Variants in DSG2 observed in about 807,000 individuals in gnomAD.
The protein encoded by DSG2 is desmoglein 2.
DSG2 carries 45 observed loss-of-function variants against 75.6 expected under a neutral mutation model. The ratio of observed to expected loss-of-function variants is 0.60; its 90% CI spans 0.47 to 0.76. DSG2 has a LOEUF of 0.76. Among genes scored for constraint, DSG2 ranks in the 30% least tolerant of loss-of-function variants. DSG2 has a pLI of 0.00. For synonymous variants in DSG2, 429 were observed against 483.9 expected (o/e 0.89, Z 1.49); for missense variants, 1,267 against 1,357.4 (o/e 0.93, Z 1.05).
At chr18:31,522,446 A>G (rs1487746890) in intron 6 of DSG2, 197 bp downstream of exon 6, 1 of 559,872 alleles carries the variant, frequency 1.8e-6, no homozygotes, top group Non-Finnish European at 3.2e-6. Flanking sequence ...GACTGGCCCA[A>G]ATTGTAATGT....
chr18:31,536,823 A>G (rs1187331456), intron 11 of DSG2, among the ~76,000 whole-genome samples: 1 of 152,206 alleles, frequency 6.6e-6, no homozygotes, highest in East Asian at 1.9e-4. Context: ...CACCCTATGT[A>G]TTACCATATT....
intron 1 of DSG2, among the ~76,000 whole-genome samples, chr18:31,507,534 A>G (rs570117322): frequency 1.3e-5 from 2 of 152,358 alleles, no homozygotes; most frequent in East Asian, 1.9e-4. Context: ...ACTAATTTAC[A>G]GTCCCACCAA....
chr18:31,500,559 G>T (rs566623447), intron 1 of DSG2, among the ~76,000 whole-genome samples: 11 of 152,196 alleles, frequency 7.2e-5, no homozygotes, highest in South Asian at 6.2e-4. Flanking sequence ...TTGCCAGGAG[G>T]CACAGAGCTC....
At chr18:31,526,286 GA>G (rs1265363646) in intron 8 of DSG2, among the ~76,000 whole-genome samples, 1 of 152,140 alleles carries the variant, frequency 6.6e-6, no homozygotes. Context: ...ATTGATTCCA[GA>G]AGTTTCGAAA....
chr18:31,500,053 A>G lies in DSG2; in HGVS notation c.45+1757A>G, dbSNP rs543913164. On this transcript the variant is annotated intron_variant, in intron 1 of 14. Coordinates refer to ENST00000261590, the MANE Select transcript of DSG2 (RefSeq NM_001943.5). ...TTTTTTGGTAAAAAAAAAAAAAAAA[A>G]AAAAAATGGAAAGCAACTCATCTGA... is the stretch of plus-strand genomic sequence containing the variant. Among the ~76,000 whole-genome samples the G allele has an allele frequency of 2.2e-4, 33 of 152,020 alleles. No homozygotes were observed. The East Asian group carries it at 4.1e-3, about 19-fold the overall frequency.
At chr18:31,498,434 G>T (rs1045008469) in intron 1 of DSG2, 138 bp downstream of exon 1, 3 of 969,808 alleles carry the variant, frequency 3.1e-6, no homozygotes, top group Admixed American at 4.4e-5. Context: ...CCCGAGGGGG[G>T]AAAAGGGCCG....
chr18:31,545,893 T>C lies in DSG2; in HGVS notation c.2507T>C (p.Leu836Pro), dbSNP rs1425278506. The change falls in exon 15 of 15, where the codon CTA (leucine) becomes CCA (proline). Residue 836 changes from leucine to proline, a missense_variant. Leu to Pro is a moderately conservative substitution (Grantham distance 98). Coordinates refer to ENST00000261590, the MANE Select transcript of DSG2 (RefSeq NM_001943.5). ...GATTTGGGACTTAAATTCAAGACAC[T>C]AGCTGAAGTTTGCCTGGGTCAAAAA... Reference protein sequence around the residue: ...LDDLGLKFKTLAEVCLGQKID... With the variant: ...LDDLGLKFKTPAEVCLGQKID... 1 of 1,614,150 alleles carries C rather than the reference T, an allele frequency of 6.2e-7. No homozygotes were observed. Among genetic ancestry groups the C allele is most frequent in the East Asian group, 2.2e-5 (1 of 44,882 alleles).
Position 31,545,911 on chromosome 18 carries a change from G to T in DSG2, c.2525G>T (p.Gly842Val). The T allele has an allele frequency of 6.2e-7, 1 of 1,614,046 alleles. No individual in the cohort carries two copies. The highest frequency in any genetic ancestry group is 8.5e-7 in the Non-Finnish European group (1 of 1,180,006). The change falls in exon 15 of 15, where the codon GGT (glycine) becomes GTT (valine). Residue 842 changes from glycine (G) to valine (V), a missense_variant. Coordinates refer to ENST00000261590, the MANE Select transcript of DSG2 (RefSeq NM_001943.5). Reference protein sequence around the residue: ...KFKTLAEVCLGQKIDINKEIE... With the variant: ...KFKTLAEVCLVQKIDINKEIE... ...AAGACACTAGCTGAAGTTTGCCTGG[G>T]TCAAAAAATAGATATAAATAAGGAA...
intron 9 of DSG2, among the ~76,000 whole-genome samples, chr18:31,531,768 A>G (rs2073200505): frequency 6.6e-6 from 1 of 152,242 alleles, no homozygotes; most frequent in Non-Finnish European, 1.5e-5. Flanking sequence ...TGTCTTGATC[A>G]TGGTGACCTT....
rs2073124238 is a variant in DSG2 at position 31,520,973 on chromosome 18, A to C, written c.378+9A>C. 6.2e-7 allele frequency: 1 copy of C among 1,612,906 alleles called. No individual in the cohort carries two copies. Among genetic ancestry groups the C allele is most frequent in the African/African-American group, 1.3e-5 (1 of 74,910 alleles). ...AAACACCATTTTTTCTGGTAAGAAG[A>C]ATAATTTTAGATTTATTAGTTTGTA... On this transcript the variant is annotated intron_variant, in intron 4 of 14. Transcript: ENST00000261590.
At position 31,524,883 on chromosome 18, in the gene DSG2, A is replaced by T; in HGVS notation, c.1009A>T (p.Ile337Phe). Residue 337 changes from isoleucine to phenylalanine, a missense_variant, in exon 8 of 15, where the codon ATT becomes TTT. Physicochemically the swap from Ile to Phe is conservative, Grantham distance 21. Coordinates refer to ENST00000261590, the MANE Select transcript of DSG2 (RefSeq NM_001943.5). ...AACTAACGAAGGAATTGTGACCCTTATTAAGGTAAGTACTAAGTATTCAAA... is the reference window on the plus strand; with the variant it reads ...AACTAACGAAGGAATTGTGACCCTTTTTAAGGTAAGTACTAAGTATTCAAA... Reference protein sequence around the residue: ...AQTNEGIVTLIKEVDYEEMKN... With the variant: ...AQTNEGIVTLFKEVDYEEMKN... The T allele has an allele frequency of 6.2e-7, 1 of 1,614,178 alleles. No homozygotes were observed. The highest frequency in any genetic ancestry group is 8.5e-7 in the Non-Finnish European group (1 of 1,179,988).
At chr18:31,506,593 T>C (rs1258257286) in intron 1 of DSG2, among the ~76,000 whole-genome samples, 1 of 152,228 alleles carries the variant, frequency 6.6e-6, no homozygotes, top group Non-Finnish European at 1.5e-5. Context: ...AGCTCTTGGT[T>C]TTCTTAAACT....
intron 8 of DSG2, among the ~76,000 whole-genome samples, chr18:31,527,075 T>G (rs1041843093): frequency 6.6e-6 from 1 of 152,222 alleles, no homozygotes; most frequent in African/African-American, 2.4e-5. Flanking sequence ...ACTTTCAGTC[T>G]TGCAAGCACC....
rs368419383 is a variant in DSG2 at position 31,536,219 on chromosome 18, A to G, written c.1441A>G (p.Ile481Val). The part of the protein sequence containing the change: ...AISEDYPRKT[I>V]TGTVLINVED... ...TTTTTAAGATTATCCTAGAAAAACC[A>G]TCACTGGCACAGTCCTTATCAATGT... Residue 481 changes from isoleucine to valine, a missense_variant, in exon 11 of 15, where the codon ATC becomes GTC. Ile to Val is a conservative substitution (Grantham distance 29, BLOSUM62 3). Transcript: ENST00000261590. The G allele has an allele frequency of 8.7e-6, 14 of 1,614,086 alleles. No homozygotes were observed. The South Asian group carries it at 8.8e-5, about 10-fold the overall frequency.
chr18:31,498,417 C>A, intron 1 of DSG2, 121 bp downstream of exon 1: 1 of 1,098,584 alleles, frequency 9.1e-7, no homozygotes, highest in Non-Finnish European at 1.2e-6. Context: ...GGCGCTCCTT[C>A]CTGCTGCCCG....
At chr18:31,517,445 T>C (rs956425273) in intron 1 of DSG2, among the ~76,000 whole-genome samples, 6 of 152,188 alleles carry the variant, frequency 3.9e-5, no homozygotes, top group Non-Finnish European at 8.8e-5. Flanking sequence ...ATTATTTAAA[T>C]GTTTCTAGCA....
chr18:31,502,741 ACT>A (rs1436829124), intron 1 of DSG2, among the ~76,000 whole-genome samples: 2 of 151,724 alleles, frequency 1.3e-5, no homozygotes, highest in Non-Finnish European at 2.9e-5. Flanking sequence ...ACAGAGGGAG[ACT>A]CTGTCAAAAA....
intron 12 of DSG2, among the ~76,000 whole-genome samples, 157 bp from the exon 13 acceptor site, chr18:31,541,036 T>G (rs960380033): frequency 2.0e-5 from 3 of 152,156 alleles, no homozygotes; most frequent in Non-Finnish European, 2.9e-5. Context: ...CAAAACAAGC[T>G]TGGTAAGGTT....
At chr18:31,503,604 G>T (rs1410357261) in intron 1 of DSG2, among the ~76,000 whole-genome samples, 1 of 152,176 alleles carries the variant, frequency 6.6e-6, no homozygotes, top group Non-Finnish European at 1.5e-5. Context: ...GATGGGCTTT[G>T]GGTGAGATGG....
Sources: gnomAD v4.1 joint callset for allele counts (sites outside exome capture counted in the v4.1 genomes callset) on GRCh38, gnomAD v4.1.1 for gene constraint, MANE v1.5 for transcripts, NCBI Gene and HGNC (gene_info 2026-07-23, HGNC 2026-07-21) for gene names.